PRICKLE1: variants seen among roughly 807,000 people sequenced by gnomAD.
PRICKLE1 encodes prickle planar cell polarity protein 1, also known as prickle-like protein 1.
A neutral mutation model predicts 70.2 loss-of-function variants in PRICKLE1; 14 were observed. The ratio of observed to expected loss-of-function variants is 0.20; its 90% CI spans 0.13 to 0.31. The LOEUF is 0.31. Ranked by LOEUF, PRICKLE1 falls within the 10% of genes least tolerant of loss-of-function variation. PRICKLE1 has a pLI of 1.00. For missense variants in PRICKLE1, 821 were observed against 1,026.2 expected (o/e 0.80, Z 2.73); for synonymous variants, 357 against 379.9 (o/e 0.94, Z 0.70).
intron 1 of PRICKLE1, among the ~76,000 whole-genome samples, chr12:42,560,284 C>T (rs1162959659): frequency 6.6e-6 from 1 of 151,852 alleles, no homozygotes; most frequent in East Asian, 1.9e-4. Context: ...ATTTGAAGTC[C>T]CACCATGCCT....
intron 1 of PRICKLE1, among the ~76,000 whole-genome samples, chr12:42,546,219 T>C (rs891217438): frequency 6.6e-6 from 1 of 152,196 alleles, no homozygotes; most frequent in Non-Finnish European, 1.5e-5. Context: ...CTCATTAATA[T>C]GTCTCAAAAC....
At position 42,460,657 on chromosome 12, in the gene PRICKLE1, C is replaced by G. The variant is rs760050261; in HGVS notation, c.1648G>C (p.Val550Leu). ...LALSNITGAS[V>L]DGENKPRPSL... The stretch of plus-strand genomic sequence containing the variant: ...GGCCTTGGCTTGTTTTCTCCATCCA[C>G]CGAAGCCCCTAGAAGAGAGGCCAAA... The change falls in exon 8 of 8, where the codon GTG becomes CTG. Residue 550 changes from valine (V) to leucine (L), a missense_variant. Coordinates refer to ENST00000345127, the MANE Select transcript of PRICKLE1 (RefSeq NM_153026.3). 1 of 1,608,900 alleles carries G rather than the reference C, an allele frequency of 6.2e-7. No individual in the cohort carries two copies. Among genetic ancestry groups the G allele is most frequent in the African/African-American group, 1.3e-5 (1 of 74,900 alleles).
At chr12:42,483,073 G>C (rs1938861761) in intron 1 of PRICKLE1, 1 of 152,618 alleles carries the variant, frequency 6.6e-6, no homozygotes, top group Non-Finnish European at 1.5e-5. Context: ...ACCCCTCCTC[G>C]GCGCCGACGC....
At chr12:42,489,728 T>G (rs1039060281) in intron 1 of PRICKLE1, 4 of 149,108 alleles carry the variant, frequency 2.7e-5, no homozygotes, top group African/African-American at 9.9e-5. Flanking sequence ...GATACCTGAA[T>G]GCATACTTCC....
At chr12:42,477,480 GTGTA>G (rs1938604883) in intron 1 of PRICKLE1, among the ~76,000 whole-genome samples, 1 of 69,042 alleles carries the variant, frequency 1.4e-5, no homozygotes, top group African/African-American at 3.6e-5. Flanking sequence ...GTGTGTGTGT[GTGTA>G]TATATATATA....
intron 1 of PRICKLE1, among the ~76,000 whole-genome samples, chr12:42,478,408 C>T (rs562879828): frequency 3.3e-5 from 5 of 152,040 alleles, no homozygotes; most frequent in Non-Finnish European, 7.4e-5. Context: ...GAAAGAAAAG[C>T]AAAACAGTTT....
In PRICKLE1 at chr12:42,464,325, T is replaced by C; in HGVS notation, c.1639+70A>G. On this transcript the variant is annotated intron_variant, in intron 7 of 7. Coordinates refer to ENST00000345127, the MANE Select transcript of PRICKLE1 (RefSeq NM_153026.3). The surrounding 1 kb of genome is among the most constrained non-coding windows in gnomAD (Gnocchi z 4.2). ...CATGAGCCACTGCGCCTGGCTTGAA[T>C]TGCAATTTTTTGAATACACTTTTTA... 3 of 1,599,776 alleles carry C rather than the reference T, an allele frequency of 1.9e-6. No homozygotes were observed. Among genetic ancestry groups the C allele is most frequent in the Non-Finnish European group, 8.6e-7 (1 of 1,168,038 alleles).
chr12:42,588,765 C>T (rs922193526), intron 1 of PRICKLE1, among the ~76,000 whole-genome samples: 2 of 152,194 alleles, frequency 1.3e-5, no homozygotes, highest in Admixed American at 6.5e-5. Flanking sequence ...TAACACAGCA[C>T]TGCCAATAGT....
At chr12:42,534,099 A>C (rs1427612409) in intron 1 of PRICKLE1, among the ~76,000 whole-genome samples, 2 of 152,184 alleles carry the variant, frequency 1.3e-5, no homozygotes, top group Non-Finnish European at 2.9e-5. Context: ...TACGGTCAGT[A>C]ATAGAAGCAC....
At chr12:42,530,357 C>G (rs1453851109) in intron 1 of PRICKLE1, among the ~76,000 whole-genome samples, 5 of 152,118 alleles carry the variant, frequency 3.3e-5, no homozygotes, top group Non-Finnish European at 5.9e-5. Flanking sequence ...GAACTGGAAA[C>G]TCTTCATTTT....
chr12:42,579,198 G>A (rs1477104024), intron 1 of PRICKLE1, among the ~76,000 whole-genome samples: 2 of 152,192 alleles, frequency 1.3e-5, no homozygotes, highest in Non-Finnish European at 2.9e-5. Flanking sequence ...AGAGGATTGG[G>A]GAGTGCTAGA....
intron 1 of PRICKLE1, among the ~76,000 whole-genome samples, chr12:42,537,143 A>AC (rs1940027877): frequency 6.7e-6 from 1 of 150,118 alleles, no homozygotes; most frequent in African/African-American, 2.5e-5. Context: ...CTAAGTAGAG[A>AC]CTTTTTTTTT....
intron 1 of PRICKLE1, among the ~76,000 whole-genome samples, chr12:42,556,251 G>A (rs1227616956): frequency 2.0e-5 from 3 of 152,120 alleles, no homozygotes; most frequent in African/African-American, 7.2e-5. Flanking sequence ...CCAGGCCCAA[G>A]GATGACGCCT....
chr12:42,555,115 C>A (rs1282270103), intron 1 of PRICKLE1, among the ~76,000 whole-genome samples: 2 of 152,046 alleles, frequency 1.3e-5, no homozygotes, highest in African/African-American at 4.8e-5. Flanking sequence ...CCAGACTGGG[C>A]AACATGGTGA....
At chr12:42,467,481 T>C (rs2140109812) in intron 5 of PRICKLE1, among the ~76,000 whole-genome samples, 1 of 152,230 alleles carries the variant, frequency 6.6e-6, no homozygotes, top group Admixed American at 6.5e-5. Context: ...TGGCTCACCC[T>C]GGTATTCCCA....
rs559947948 is a variant in PRICKLE1 at position 42,465,210 on chromosome 12, G to A, written c.824C>T (p.Thr275Met). 245 of 1,613,156 alleles carry A rather than the reference G, an allele frequency of 1.5e-4. No individual in the cohort carries two copies. The highest frequency in any genetic ancestry group is 3.9e-4 in the Admixed American group (23 of 59,670). The stretch of plus-strand genomic sequence containing the variant: ...CTGGGCACAAGAAAAGCAGGCTTCC[G>A]TGGCGTGCCAGTGCTGCCCGTCATA... The part of the protein sequence containing the change: ...MTYDGQHWHA[T>M]EACFSCAQCK... Residue 275 changes from threonine (T) to methionine (M), a missense_variant, in exon 7 of 8, where the codon ACG becomes ATG. Physicochemically the swap from Thr to Met is moderately conservative, Grantham distance 81. Coordinates refer to ENST00000345127, the MANE Select transcript of PRICKLE1 (RefSeq NM_153026.3).
At chr12:42,469,167 G>A (rs944442243) in intron 4 of PRICKLE1, among the ~76,000 whole-genome samples, 2 of 152,092 alleles carry the variant, frequency 1.3e-5, no homozygotes. Flanking sequence ...TTTTGAATAC[G>A]AGATGTATCC....
rs1169130185 is a variant in PRICKLE1 at position 42,459,793 on chromosome 12, C to T, written c.*16G>A. ...AATGGCTAAGTTTTAAACAAATGCTCTGCATCACTACTTGGTTAAGAAATA... is the reference window on the plus strand; with the variant it reads ...AATGGCTAAGTTTTAAACAAATGCTTTGCATCACTACTTGGTTAAGAAATA... On this transcript the variant is annotated 3_prime_UTR_variant, in exon 8 of 8. Coordinates refer to ENST00000345127, the MANE Select transcript of PRICKLE1 (RefSeq NM_153026.3). The T allele has an allele frequency of 6.2e-7, 1 of 1,614,042 alleles. No homozygotes were observed. Among genetic ancestry groups the T allele is most frequent in the Admixed American group, 1.7e-5 (1 of 60,030 alleles).
chr12:42,527,929 A>C (rs1181809092), intron 1 of PRICKLE1, among the ~76,000 whole-genome samples: 250 of 8,324 alleles, frequency 0.03, 27 homozygotes, highest in East Asian at 0.14. Context: ...ATATATATAT[A>C]TATATATATA....
Sources: allele counts gnomAD v4.1 joint callset (sites outside exome capture counted in the v4.1 genomes callset), GRCh38; gene constraint gnomAD v4.1.1; non-coding constraint Gnocchi (gnomAD v3.1); transcripts MANE v1.5; gene names NCBI Gene and HGNC (gene_info 2026-07-23, HGNC 2026-07-21).